Variants in H1-10 observed in about 807,000 individuals in gnomAD.
H1-10 encodes the protein histone H1.10.
For synonymous variants in H1-10, 191 were observed against 140.9 expected, an observed-to-expected ratio of 1.36 and a Z score of -2.52; for missense variants, 307 against 297.9, an observed-to-expected ratio of 1.03 and a Z score of -0.22.
In H1-10 at chr3:129,315,283, T is replaced by C. The variant is rs760758108; in HGVS notation, c.620A>G (p.Lys207Arg). Residue 207 changes from lysine (K) to arginine (R), a missense_variant, in exon 1 of 1, where the codon AAA becomes AGA. Coordinates refer to ENST00000333762, the MANE Select transcript of H1-10 (RefSeq NM_006026.4). ...CGCTCACTTGCGGCCCTTGGGCACT[T>C]TGGGGACGCTGGGCTTGGCCGCCTT... ...VKKAAKPSVP[K>R]VPKGRK 1.2e-5 allele frequency: 18 copies of C among 1,462,124 alleles called. No homozygotes were observed. Among genetic ancestry groups the C allele is most frequent in the South Asian group, 1.4e-5 (1 of 72,122 alleles). The allele number at this position is 1,462,124 out of a possible 1,614,324, so 90.6% of individuals were successfully genotyped here.
rs748727950 is a variant in H1-10, at chr3:129,315,543, C to T, written c.360G>A (p.Lys120=). The change falls in exon 1 of 1, where the codon AAG becomes AAA. Residue 120 remains lysine, a synonymous_variant. Transcript: ENST00000333762. ...ANGSFKLNRK[K]LEGGGERRGA... is the part of the protein sequence containing the mutation. Reference sequence around the variant, plus strand: ...CGCGCCGCTCCCCGCCGCCCTCCAGCTTCTTGCGGTTGAGCTTGAAGGAAC... The same window carrying T: ...CGCGCCGCTCCCCGCCGCCCTCCAGTTTCTTGCGGTTGAGCTTGAAGGAAC... The T allele has an allele frequency of 5.2e-6, 8 of 1,545,282 alleles. No homozygotes were observed. Among genetic ancestry groups the T allele is most frequent in the South Asian group, 1.2e-5 (1 of 83,998 alleles).
At position 129,315,391 on chromosome 3, in the gene H1-10, G is replaced by A; in HGVS notation, c.512C>T (p.Ser171Leu). Residue 171 changes from serine to leucine, a missense_variant, in exon 1 of 1, where the codon TCG becomes TTG. By Grantham distance (145) the Ser-to-Leu change is moderately radical. Transcript: ENST00000333762. ...CTTGGCGCCAGCGCCCTTCTTGTGC[G>A]AGCGCTGCTCCGGCTTCTGGCCCCT... Reference protein sequence around the residue: ...PARGQKPEQRSHKKGAGAKKD... With the variant: ...PARGQKPEQRLHKKGAGAKKD... 4 of 1,539,788 alleles carry A rather than the reference G, an allele frequency of 2.6e-6. No individual in the cohort carries two copies. The highest frequency in any genetic ancestry group is 1.4e-5 in the African/African-American group (1 of 71,132).
rs147849516 is a variant in H1-10, at chr3:129,315,810, G to A, written c.93C>T (p.Ser31=). ...VTKAGGSAAL[S]PSKKRKNSKK... ...TGCTATTCTTCCTCTTCTTAGATGGGGACAACGCCGCCGAGCCGCCAGCCT... is the reference window on the plus strand; with the variant it reads ...TGCTATTCTTCCTCTTCTTAGATGGAGACAACGCCGCCGAGCCGCCAGCCT... Residue 31 remains serine (S), a synonymous_variant, in exon 1 of 1, where the codon TCC becomes TCT. Transcript: ENST00000333762. 3.7e-6 allele frequency: 6 copies of A among 1,604,136 alleles called. No individual in the cohort carries two copies. The African/African-American group carries it at 8.0e-5, about 21-fold the overall frequency.
Position 129,315,351 on chromosome 3 carries a change from G to A in H1-10, c.552C>T (p.Gly184=), listed in dbSNP as rs1396190581. 1.9e-6 allele frequency: 3 copies of A among 1,540,934 alleles called. No homozygotes were observed. Among genetic ancestry groups the A allele is most frequent in the East Asian group, 2.5e-5 (1 of 39,396 alleles). Residue 184 remains glycine, a synonymous_variant, in exon 1 of 1, where the codon GGC becomes GGT. Transcript: ENST00000333762. ...CGGCGGCCGCCGTCTTCTTGGCCTT[G>A]CCGCCTTTGTCCTTCTTGGCGCCAG... ...KGAGAKKDKG[G]KAKKTAAAGG...
Position 129,315,886 on chromosome 3 carries a change from T to C in H1-10, c.17A>G (p.Glu6Gly). The change falls in exon 1 of 1, where the codon GAG becomes GGG. Residue 6 changes from glutamate to glycine, a missense_variant. By Grantham distance (98) the Glu-to-Gly change is moderately conservative (BLOSUM62 -2). Coordinates refer to ENST00000333762, the MANE Select transcript of H1-10 (RefSeq NM_006026.4). MSVEL[E>G]EALPVTTAEG... ...GGCGGTCGTCACTGGCAGGGCCTCC[T>C]CGAGCTCCACGGACATGGTAGCAAG... 2 of 1,588,060 alleles carry C rather than the reference T, an allele frequency of 1.3e-6. No homozygotes were observed. The highest frequency in any genetic ancestry group is 1.7e-6 in the Non-Finnish European group (2 of 1,167,254).
rs1436343191 is a variant in H1-10 at position 129,315,291 on chromosome 3, G to T, written c.612C>A (p.Ser204Arg). Residue 204 changes from serine to arginine, a missense_variant, in exon 1 of 1, where the codon AGC becomes AGA. Ser to Arg is a moderately radical substitution (Grantham distance 110, BLOSUM62 -1). Transcript: ENST00000333762. ...TGCGGCCCTTGGGCACTTTGGGGAC[G>T]CTGGGCTTGGCCGCCTTCTTCACCT... Reference protein sequence around the residue: ...GKKVKKAAKPSVPKVPKGRK With the variant: ...GKKVKKAAKPRVPKVPKGRK The T allele has an allele frequency of 6.8e-7, 1 of 1,471,424 alleles. No homozygotes were observed. Among genetic ancestry groups the T allele is most frequent in the Non-Finnish European group, 9.0e-7 (1 of 1,112,304 alleles). 91.1% of individuals were successfully genotyped at this position (1,471,424 alleles called of 1,614,324 possible). A position where few individuals can be genotyped will look rare whatever the true frequency, so the allele number is the denominator to read the frequency against.
chr3:129,315,296 G>T lies in H1-10; in HGVS notation c.607C>A (p.Pro203Thr). Residue 203 changes from proline (P) to threonine (T), a missense_variant, in exon 1 of 1, where the codon CCC becomes ACC. By Grantham distance (38) the Pro-to-Thr change is conservative (BLOSUM62 -1). Transcript: ENST00000333762. Reference protein sequence around the residue: ...GGKKVKKAAKPSVPKVPKGRK With the variant: ...GGKKVKKAAKTSVPKVPKGRK ...CCCTTGGGCACTTTGGGGACGCTGG[G>T]CTTGGCCGCCTTCTTCACCTTCTTG... is the stretch of plus-strand genomic sequence containing the variant. 1 of 1,481,912 alleles carries T rather than the reference G, an allele frequency of 6.7e-7. No homozygotes were observed. The allele number at this position is 1,481,912 out of a possible 1,614,324, so 91.8% of individuals were successfully genotyped here.
chr3:129,314,994 G>A lies in H1-10; in HGVS notation c.*267C>T, dbSNP rs920747546. ...GCGGCCTCGGCCATCGGCGCCTAGG[G>A]GCCAGTAACCATGACGACGGCCGTT... On this transcript the variant is annotated 3_prime_UTR_variant, in exon 1 of 1. Coordinates refer to ENST00000333762, the MANE Select transcript of H1-10 (RefSeq NM_006026.4). 2.5e-5 allele frequency: 7 copies of A among 284,472 alleles called. No individual in the cohort carries two copies. The highest frequency in any genetic ancestry group is 3.9e-5 in the Non-Finnish European group (6 of 155,132). 17.6% of individuals were successfully genotyped at this position (284,472 alleles called of 1,614,324 possible).
Position 129,315,312 on chromosome 3 carries a change from C to A in H1-10, c.591G>T (p.Val197=). ...GGACGCTGGGCTTGGCCGCCTTCTT[C>A]ACCTTCTTGCCCCCGGCGGCCGCCG... is the stretch of plus-strand genomic sequence containing the variant. ...KKTAAAGGKK[V]KKAAKPSVPK... The change falls in exon 1 of 1, where the codon GTG becomes GTT. Residue 197 remains valine (V), a synonymous_variant. Coordinates refer to ENST00000333762, the MANE Select transcript of H1-10 (RefSeq NM_006026.4). The A allele has an allele frequency of 6.7e-7, 1 of 1,497,234 alleles. No homozygotes were observed. The highest frequency in any genetic ancestry group is 8.9e-7 in the Non-Finnish European group (1 of 1,126,150). 92.7% of individuals were successfully genotyped at this position (1,497,234 alleles called of 1,614,324 possible). A position where few individuals can be genotyped will look rare whatever the true frequency, so the allele number is the denominator to read the frequency against.
In H1-10 at chr3:129,315,205, T is replaced by C; in HGVS notation, c.*56A>G. On this transcript the variant is annotated 3_prime_UTR_variant, in exon 1 of 1. Coordinates refer to ENST00000333762, the MANE Select transcript of H1-10 (RefSeq NM_006026.4). ...CGTACAAAATCTACGTCACTTGGGG[T>C]AGAAAAACAAAAACACCGAAAAGCC... 1 of 1,271,562 alleles carries C rather than the reference T, an allele frequency of 7.9e-7. No homozygotes were observed. The highest frequency in any genetic ancestry group is 9.9e-7 in the Non-Finnish European group (1 of 1,008,704). The allele number at this position is 1,271,562 out of a possible 1,614,324, so 78.8% of individuals were successfully genotyped here.
At position 129,314,927 on chromosome 3, in the gene H1-10, G is replaced by A. The variant is rs1213761351; in HGVS notation, c.*334C>T. On this transcript the variant is annotated 3_prime_UTR_variant, in exon 1 of 1. Coordinates refer to ENST00000333762, the MANE Select transcript of H1-10 (RefSeq NM_006026.4). ...ATGCGCGGCCTCCGCGTCCCCGCGC[G>A]CCTGGGCCCGGCCAACCAGCGACCC... The A allele has an allele frequency of 5.1e-6, 1 of 197,038 alleles. No homozygotes were observed. Among genetic ancestry groups the A allele is most frequent in the South Asian group, 1.9e-4 (1 of 5,242 alleles). The allele number at this position is 197,038 out of a possible 1,614,324, so 12.2% of individuals were successfully genotyped here. A position where few individuals can be genotyped will look rare whatever the true frequency, so the allele number is the denominator to read the frequency against.
Position 129,315,117 on chromosome 3 carries a change from G to A in H1-10, c.*144C>T, listed in dbSNP as rs1045764483. 1.7e-6 allele frequency: 1 copy of A among 583,542 alleles called. No individual in the cohort carries two copies. The highest frequency in any genetic ancestry group is 1.9e-5 in the African/African-American group (1 of 51,836). The allele number at this position is 583,542 out of a possible 1,614,324, so 36.1% of individuals were successfully genotyped here. ...ACATCGTTGGGGGAGGGGAAAGACT[G>A]AGAGGACCCGGGGCCCCTCCCTGAG... is the stretch of plus-strand genomic sequence containing the variant. On this transcript the variant is annotated 3_prime_UTR_variant, in exon 1 of 1. Transcript: ENST00000333762.
In H1-10 at chr3:129,315,306, C is replaced by G. The variant is rs752557268; in HGVS notation, c.597G>C (p.Lys199Asn). ...CTTTGGGGACGCTGGGCTTGGCCGC[C>G]TTCTTCACCTTCTTGCCCCCGGCGG... ...TAAAGGKKVK[K>N]AAKPSVPKVP... is the part of the protein sequence containing the mutation. The change falls in exon 1 of 1, where the codon AAG becomes AAC. Residue 199 changes from lysine (K) to asparagine (N), a missense_variant. Coordinates refer to ENST00000333762, the MANE Select transcript of H1-10 (RefSeq NM_006026.4). The G allele has an allele frequency of 6.7e-7, 1 of 1,489,922 alleles. No individual in the cohort carries two copies. The highest frequency in any genetic ancestry group is 8.9e-7 in the Non-Finnish European group (1 of 1,122,352). 92.3% of individuals were successfully genotyped at this position (1,489,922 alleles called of 1,614,324 possible).
Position 129,315,730 on chromosome 3 carries a change from C to G in H1-10, c.173G>C (p.Arg58Thr). The G allele has an allele frequency of 1.3e-6, 2 of 1,594,434 alleles. No individual in the cohort carries two copies. The highest frequency in any genetic ancestry group is 1.7e-6 in the Non-Finnish European group (2 of 1,171,490). The change falls in exon 1 of 1, where the codon AGG becomes ACG. Residue 58 changes from arginine to threonine, a missense_variant. Coordinates refer to ENST00000333762, the MANE Select transcript of H1-10 (RefSeq NM_006026.4). The part of the protein sequence containing the change: ...YSQLVVETIR[R>T]LGERNGSSLA... ...CGACGAGCCGTTGCGCTCGCCCAGC[C>G]TACGGATGGTCTCCACCACCAGCTG...
In H1-10 at chr3:129,315,132, C is replaced by T. The variant is rs983990929; in HGVS notation, c.*129G>A. 13 of 748,882 alleles carry T rather than the reference C, an allele frequency of 1.7e-5. No individual in the cohort carries two copies. The highest frequency in any genetic ancestry group is 2.2e-5 in the Non-Finnish European group (12 of 545,242). 46.4% of individuals were successfully genotyped at this position (748,882 alleles called of 1,614,324 possible). A position where few individuals can be genotyped will look rare whatever the true frequency, so the allele number is the denominator to read the frequency against. On this transcript the variant is annotated 3_prime_UTR_variant, in exon 1 of 1. Transcript: ENST00000333762. ...GGGAAAGACTGAGAGGACCCGGGGC[C>T]CCTCCCTGAGGCTCAGACCAGGCCT... is the stretch of plus-strand genomic sequence containing the variant.
Position 129,315,327 on chromosome 3 carries a change from G to T in H1-10, c.576C>A (p.Ala192=), listed in dbSNP as rs780677907. 1.3e-6 allele frequency: 2 copies of T among 1,514,680 alleles called. No individual in the cohort carries two copies. The highest frequency in any genetic ancestry group is 2.5e-5 in the South Asian group (2 of 80,628). 93.8% of individuals were successfully genotyped at this position (1,514,680 alleles called of 1,614,324 possible). ...KGGKAKKTAA[A]GGKKVKKAAK... ...CCGCCTTCTTCACCTTCTTGCCCCC[G>T]GCGGCCGCCGTCTTCTTGGCCTTGC... Residue 192 remains alanine (A), a synonymous_variant, in exon 1 of 1, where the codon GCC becomes GCA. Coordinates refer to ENST00000333762, the MANE Select transcript of H1-10 (RefSeq NM_006026.4).
In H1-10 at chr3:129,314,846, C is replaced by G. The variant is rs4711; in HGVS notation, c.*415G>C. 140 of 158,836 alleles carry G rather than the reference C, an allele frequency of 8.8e-4. 1 individual carries two copies. The Middle Eastern group carries it at 0.031, about 36-fold the overall frequency. 9.8% of individuals were successfully genotyped at this position (158,836 alleles called of 1,614,324 possible). ...GGGAAGAGCCGCGCAGCCCTGAGCC[C>G]GGAGCGATTGTTTGTCGCGCACCCA... is the stretch of plus-strand genomic sequence containing the variant. On this transcript the variant is annotated 3_prime_UTR_variant, in exon 1 of 1. Coordinates refer to ENST00000333762, the MANE Select transcript of H1-10 (RefSeq NM_006026.4).
In H1-10 at chr3:129,315,837, G is replaced by A. The variant is rs2071298908; in HGVS notation, c.66C>T (p.Thr22=). Residue 22 remains threonine (T), a synonymous_variant, in exon 1 of 1, where the codon ACC becomes ACT. Transcript: ENST00000333762. ...TTAEGMAKKV[T]KAGGSAALSP... ...ACAACGCCGCCGAGCCGCCAGCCTT[G>A]GTCACCTTCTTGGCCATTCCCTCGG... 6 of 1,603,094 alleles carry A rather than the reference G, an allele frequency of 3.7e-6. No individual in the cohort carries two copies. The highest frequency in any genetic ancestry group is 5.1e-6 in the Non-Finnish European group (6 of 1,175,488).
In H1-10 at chr3:129,315,446, C is replaced by A; in HGVS notation, c.457G>T (p.Gly153Cys). ...KAKKAAPGAA[G>C]SRRADKKPAR... ...GGCTTCTTGTCCGCGCGCCGGGAGCCGGCCGCGCCCGGGGCTGCCTTCTTC... is the reference window on the plus strand; with the variant it reads ...GGCTTCTTGTCCGCGCGCCGGGAGCAGGCCGCGCCCGGGGCTGCCTTCTTC... The change falls in exon 1 of 1, where the codon GGC (glycine) becomes TGC (cysteine). Residue 153 changes from glycine (G) to cysteine (C), a missense_variant. Transcript: ENST00000333762. The A allele has an allele frequency of 1.4e-6, 2 of 1,461,886 alleles. No homozygotes were observed. Among genetic ancestry groups the A allele is most frequent in the Non-Finnish European group, 1.8e-6 (2 of 1,113,510 alleles). 90.6% of individuals were successfully genotyped at this position (1,461,886 alleles called of 1,614,324 possible).
Sources: gnomAD v4.1 joint callset for allele counts on GRCh38, gnomAD v4.1.1 for gene constraint, MANE v1.5 for transcripts, NCBI Gene and HGNC (gene_info 2026-07-23, HGNC 2026-07-21) for gene names.